Variants in PLPP4 observed in about 807,000 individuals in gnomAD.
PLPP4 encodes diacylglycerol pyrophosphate like 2.
Under a neutral mutation model 32.2 loss-of-function variants are expected in PLPP4, and 20 were observed. That is an observed-to-expected ratio of 0.62 (90% CI 0.44 to 0.90). The LOEUF (loss-of-function observed/expected upper bound fraction) is 0.90. Ranked by LOEUF, PLPP4 falls within the 40% of genes least tolerant of loss-of-function variation. The pLI is 0.00. For synonymous variants in PLPP4, 127 were observed against 133.0 expected (o/e 0.95, Z 0.31); for missense variants, 257 against 353.1 (o/e 0.73, Z 2.18).
At chr10:120,506,653 G>T (rs1259345199) in intron 2 of PLPP4, among the ~76,000 whole-genome samples, 1 of 152,198 alleles carries the variant, frequency 6.6e-6, no homozygotes, top group South Asian at 2.1e-4. Context: ...AATGCTTCTA[G>T]AGTCATCTGT....
At chr10:120,497,047 A>T (rs1419793307) in intron 1 of PLPP4, among the ~76,000 whole-genome samples, 1 of 151,942 alleles carries the variant, frequency 6.6e-6, no homozygotes, top group Admixed American at 6.6e-5. Flanking sequence ...CCATATTTTA[A>T]TTTGATGCCA....
intron 1 of PLPP4, among the ~76,000 whole-genome samples, chr10:120,473,205 A>G (rs1384686076): frequency 3.3e-5 from 5 of 152,164 alleles, no homozygotes; most frequent in East Asian, 1.9e-4. Flanking sequence ...ATTTTTCCCT[A>G]AGAGTATTGA....
intron 5 of PLPP4, among the ~76,000 whole-genome samples, chr10:120,548,714 T>A (rs545096712): frequency 1.3e-5 from 2 of 152,258 alleles, no homozygotes; most frequent in Admixed American, 6.5e-5. Flanking sequence ...AAGCATTCTG[T>A]TTCCACAACC....
chr10:120,492,030 T>C (rs2209645), intron 1 of PLPP4, among the ~76,000 whole-genome samples: 15,084 of 152,244 alleles, frequency 0.099, 999 homozygotes, highest in East Asian at 0.3. Context: ...TTAGTACTAC[T>C]ATTAATGCCA....
intron 5 of PLPP4, among the ~76,000 whole-genome samples, chr10:120,547,002 G>A (rs1847656442): frequency 6.6e-6 from 1 of 150,724 alleles, no homozygotes; most frequent in Non-Finnish European, 1.5e-5. Flanking sequence ...ACAGGTGTAG[G>A]TCTAACATGT....
At chr10:120,491,257 C>T (rs1229394884) in intron 1 of PLPP4, among the ~76,000 whole-genome samples, 1 of 152,120 alleles carries the variant, frequency 6.6e-6, no homozygotes, top group Admixed American at 6.5e-5. Flanking sequence ...CGTTCTGCCC[C>T]AAGTCACCTG....
intron 5 of PLPP4, among the ~76,000 whole-genome samples, chr10:120,542,158 G>T (rs1847375799): frequency 6.6e-6 from 1 of 152,196 alleles, no homozygotes; most frequent in South Asian, 2.1e-4. Context: ...AAGACTGCTG[G>T]AGGTTCATTT....
chr10:120,501,318 TA>T (rs1845239195), intron 1 of PLPP4, among the ~76,000 whole-genome samples: 1 of 152,262 alleles, frequency 6.6e-6, no homozygotes, highest in Non-Finnish European at 1.5e-5. Context: ...TTTCATGTCT[TA>T]AAAACACTTG....
At chr10:120,523,345 C>T (rs1195735762) in intron 5 of PLPP4, among the ~76,000 whole-genome samples, 2 of 152,064 alleles carry the variant, frequency 1.3e-5, no homozygotes, top group African/African-American at 4.8e-5. Flanking sequence ...TAGGCTCTAG[C>T]CATTCCTGTG....
intron 2 of PLPP4, among the ~76,000 whole-genome samples, chr10:120,505,940 A>G (rs2133871602): frequency 6.6e-6 from 1 of 152,352 alleles, no homozygotes; most frequent in South Asian, 2.1e-4. Flanking sequence ...CACAATTTGG[A>G]GATGAATGTT....
chr10:120,475,193 C>G (rs1189137369), intron 1 of PLPP4, among the ~76,000 whole-genome samples: 1 of 151,924 alleles, frequency 6.6e-6, no homozygotes, highest in East Asian at 1.9e-4. Context: ...CCAGCAGCTC[C>G]CTGGGAGAAT....
At position 120,520,998 on chromosome 10, in the gene PLPP4, C is replaced by T. The variant is rs1179249004; in HGVS notation, c.348C>T (p.Cys116=). 3.7e-6 allele frequency: 6 copies of T among 1,613,894 alleles called. No individual in the cohort carries two copies. The highest frequency in any genetic ancestry group is 2.7e-5 in the African/African-American group (2 of 74,856). The change falls in exon 5 of 7, where the codon TGC becomes TGT. Residue 116 remains cysteine (C), a synonymous_variant. Coordinates refer to ENST00000398250, the MANE Select transcript of PLPP4 (RefSeq NM_001030059.3). The part of the protein sequence containing the change: ...GRPRPDFFYR[C]FPDGVMNSEM... ...CTCGCCCCGATTTCTTTTACCGCTGCTTTCCAGATGGAGTGATGAACTCGG... is the reference window on the plus strand; with the variant it reads ...CTCGCCCCGATTTCTTTTACCGCTGTTTTCCAGATGGAGTGATGAACTCGG...
chr10:120,482,146 G>T (rs1365106411), intron 1 of PLPP4, among the ~76,000 whole-genome samples: 1 of 152,162 alleles, frequency 6.6e-6, no homozygotes. Flanking sequence ...GCAGAGTGAG[G>T]TGCTGCTGAA....
At chr10:120,492,833 G>T (rs1392387814) in intron 1 of PLPP4, among the ~76,000 whole-genome samples, 1 of 152,200 alleles carries the variant, frequency 6.6e-6, no homozygotes, top group African/African-American at 2.4e-5. Flanking sequence ...AGAGTAGAAT[G>T]ATCCCCTATA....
intron 5 of PLPP4, among the ~76,000 whole-genome samples, chr10:120,535,382 A>G (rs901430020): frequency 6.6e-6 from 1 of 152,138 alleles, no homozygotes; most frequent in Non-Finnish European, 1.5e-5. Context: ...TGCTCAATGT[A>G]TAGTTTATCT....
intron 1 of PLPP4, among the ~76,000 whole-genome samples, chr10:120,476,052 A>G (rs1325290177): frequency 1.3e-5 from 2 of 152,170 alleles, no homozygotes; most frequent in African/African-American, 4.8e-5. Context: ...GAATAATGGC[A>G]TGTGCCTGCA....
intron 1 of PLPP4, among the ~76,000 whole-genome samples, chr10:120,477,857 G>A (rs534476119): frequency 7.5e-4 from 114 of 152,316 alleles, no homozygotes; most frequent in African/African-American, 2.5e-3. Context: ...GGAACGGGCT[G>A]TCCCCATGGG....
intron 3 of PLPP4, among the ~76,000 whole-genome samples, chr10:120,517,052 T>C (rs1402969898): frequency 6.6e-6 from 1 of 152,208 alleles, no homozygotes; most frequent in Non-Finnish European, 1.5e-5. Context: ...TTTCAGACTT[T>C]TTAAAGAACT....
rs1849994387 is a variant in PLPP4, at chr10:120,591,578, C to A, written c.*2076C>A. ...CTCTATAATTTTCAAAAATAAAGCC[C>A]AAAATAGAAATGTAGGAAAAAGATC... On this transcript the variant is annotated 3_prime_UTR_variant, in exon 7 of 7. Coordinates refer to ENST00000398250, the MANE Select transcript of PLPP4 (RefSeq NM_001030059.3). 1.3e-5 allele frequency among the ~76,000 whole-genome samples: 2 copies of A among 150,804 alleles called. No homozygotes were observed. The highest frequency in any genetic ancestry group is 1.5e-5 in the Non-Finnish European group (1 of 67,804).
Sources: allele counts gnomAD v4.1 joint callset (sites outside exome capture counted in the v4.1 genomes callset), GRCh38; gene constraint gnomAD v4.1.1; transcripts MANE v1.5; gene names NCBI Gene and HGNC (gene_info 2026-07-23, HGNC 2026-07-21).